Variants in ERN1 observed in about 807,000 individuals in gnomAD.
ERN1 encodes serine/threonine-protein kinase/endoribonuclease IRE1.
Under a neutral mutation model 113.1 loss-of-function variants are expected in ERN1, and 39 were observed. The ratio of observed to expected loss-of-function variants is 0.34; its 90% CI spans 0.27 to 0.45. The LOEUF (loss-of-function observed/expected upper bound fraction) is 0.45, where lower values mean the gene tolerates loss of function less well. Among genes scored for constraint, ERN1 ranks in the 20% least tolerant of loss-of-function variants. ERN1 has a pLI of 1.00. For synonymous variants in ERN1, 507 were observed against 515.9 expected (o/e 0.98, Z 0.23); for missense variants, 976 against 1,274.8 (o/e 0.77, Z 3.57).
At chr17:64,053,136 C>T (rs1912741033) in intron 16 of ERN1, 136 bp downstream of exon 16, 2 of 911,916 alleles carry the variant, frequency 2.2e-6, no homozygotes, top group East Asian at 2.6e-5. Flanking sequence ...AATTCTTACA[C>T]CACTCATCTT....
intron 10 of ERN1, among the ~76,000 whole-genome samples, chr17:64,061,554 T>C (rs964716813): frequency 3.9e-5 from 6 of 152,238 alleles, no homozygotes; most frequent in Non-Finnish European, 8.8e-5. Flanking sequence ...TGAGTTCCCA[T>C]CTTTAGGTCA....
intron 15 of ERN1, 56 bp from the exon 16 acceptor site, chr17:64,053,427 C>T (rs541222628): frequency 1.5e-5 from 19 of 1,248,794 alleles, no homozygotes; most frequent in East Asian, 1.1e-4. Flanking sequence ...CTTGGCCCCT[C>T]GGCTCACTTT....
At position 64,054,035 on chromosome 17, in the gene ERN1, G is replaced by C. The variant is rs35271848; in HGVS notation, c.1953+215C>G. 2,278 of 483,492 alleles carry C rather than the reference G, an allele frequency of 4.7e-3. 57 individuals are homozygous for C. The East Asian group carries it at 0.053, about 11-fold the overall frequency. 30.0% of individuals were successfully genotyped at this position (483,492 alleles called of 1,614,324 possible). A position where few individuals can be genotyped will look rare whatever the true frequency, so the allele number is the denominator to read the frequency against. On this transcript the variant is annotated intron_variant, in intron 15 of 21. Coordinates refer to ENST00000433197, the MANE Select transcript of ERN1 (RefSeq NM_001433.5). The surrounding 1 kb of genome is among the most constrained non-coding windows in gnomAD (Gnocchi z 4.9). ...GCTTACTGCAGCCTTGATCTCCCAGGCTCAAGCAATCTTCCCACCTCAGCC... is the reference window on the plus strand; with the variant it reads ...GCTTACTGCAGCCTTGATCTCCCAGCCTCAAGCAATCTTCCCACCTCAGCC...
At chr17:64,068,488 T>C (rs1038991607) in intron 6 of ERN1, among the ~76,000 whole-genome samples, 197 bp from the exon 7 acceptor site, 1 of 152,180 alleles carries the variant, frequency 6.6e-6, no homozygotes, top group Non-Finnish European at 1.5e-5. Context: ...GCTGACAGCA[T>C]GTGGAAGCAG....
intron 1 of ERN1, among the ~76,000 whole-genome samples, chr17:64,117,484 TAGAA>T (rs1346253998): frequency 6.6e-6 from 1 of 151,340 alleles, no homozygotes; most frequent in Admixed American, 6.6e-5. Context: ...AAAAAAGAAA[TAGAA>T]AGTAAAGAAA....
chr17:64,063,884 A>T lies in ERN1; in HGVS notation c.1087+102T>A. 3 of 1,112,196 alleles carry T rather than the reference A, an allele frequency of 2.7e-6. No individual in the cohort carries two copies. Among genetic ancestry groups the T allele is most frequent in the Non-Finnish European group, 3.9e-6 (3 of 767,086 alleles). The allele number at this position is 1,112,196 out of a possible 1,614,324, so 68.9% of individuals were successfully genotyped here. The stretch of plus-strand genomic sequence containing the variant: ...CCAGCCGGGAAGGGCTCTGAGCACA[A>T]GGCCTTCCGAGCTCAGTACGGTGTA... On this transcript the variant is annotated intron_variant, in intron 10 of 21. Transcript: ENST00000433197. This position sits in a 1 kb window ranked among gnomAD's most constrained non-coding sequence, Gnocchi z 5.1.
intron 1 of ERN1, among the ~76,000 whole-genome samples, chr17:64,124,199 C>T (rs894529692): frequency 6.6e-6 from 1 of 152,150 alleles, no homozygotes. Flanking sequence ...TCAGACAGTT[C>T]CTTGAAAGGT....
At position 64,117,187 on chromosome 17, in the gene ERN1, A is replaced by G. The variant is rs1347101957; in HGVS notation, c.54+12789T>C. 2.0e-5 allele frequency among the ~76,000 whole-genome samples: 3 copies of G among 152,282 alleles called. No individual in the cohort carries two copies. The East Asian group carries it at 5.8e-4, about 29-fold the overall frequency. ...GCCAGGCGCAGTGGCTCATGCCTGTAACCCCAGCACTTTGGGAGGCCAAAG... is the reference window on the plus strand; with the variant it reads ...GCCAGGCGCAGTGGCTCATGCCTGTGACCCCAGCACTTTGGGAGGCCAAAG... On this transcript the variant is annotated intron_variant, in intron 1 of 21. Transcript: ENST00000433197.
chr17:64,059,382 C>T (rs999714630), intron 11 of ERN1, among the ~76,000 whole-genome samples: 1 of 152,164 alleles, frequency 6.6e-6, no homozygotes, highest in Non-Finnish European at 1.5e-5. Flanking sequence ...CTCATGTAGC[C>T]CAGGTGCATC....
intron 1 of ERN1, among the ~76,000 whole-genome samples, chr17:64,106,008 T>C (rs548365115): frequency 5.0e-4 from 76 of 151,938 alleles, no homozygotes; most frequent in African/African-American, 1.7e-3. Context: ...TAAAAATACT[T>C]ACATAATTTG....
intron 1 of ERN1, among the ~76,000 whole-genome samples, chr17:64,110,296 T>C (rs1421427665): frequency 1.3e-5 from 2 of 152,236 alleles, no homozygotes; most frequent in South Asian, 2.1e-4. Context: ...CATTGTGGAA[T>C]GGCTACATCA....
Position 64,045,371 on chromosome 17 carries a change from G to T in ERN1, c.2641C>A (p.Pro881Thr). ...KMDWRENITVPLQTDLRKFRT... is the reference protein window; with the variant it reads ...KMDWRENITVTLQTDLRKFRT... ...GCAGCATGATCACCTGTCTGGAGGG[G>T]GACAGTGATGTTCTCCCGCCAGTCC... Residue 881 changes from proline (P) to threonine (T), a missense_variant, in exon 20 of 22, where the codon CCC (proline) becomes ACC (threonine). This residue lies in a region of ERN1 where 297 missense variants were observed against 457.8 expected (regional missense o/e 0.65). Transcript: ENST00000433197. 6.2e-7 allele frequency: 1 copy of T among 1,613,834 alleles called. No individual in the cohort carries two copies. The highest frequency in any genetic ancestry group is 1.1e-5 in the South Asian group (1 of 91,070).
At chr17:64,059,817 T>C (rs1012700107) in intron 11 of ERN1, among the ~76,000 whole-genome samples, 3 of 151,496 alleles carry the variant, frequency 2.0e-5, no homozygotes, top group African/African-American at 7.3e-5. Context: ...GTCTGCTTCA[T>C]AAAACTTCAG....
intron 1 of ERN1, among the ~76,000 whole-genome samples, chr17:64,109,017 GGGA>G (rs1182616734): frequency 6.6e-6 from 1 of 152,056 alleles, no homozygotes; most frequent in East Asian, 1.9e-4. Flanking sequence ...CCAATTACTT[GGGA>G]GGCTGAGGCA....
At chr17:64,065,996 C>T (rs185157027) in intron 8 of ERN1, among the ~76,000 whole-genome samples, 1 of 152,274 alleles carries the variant, frequency 6.6e-6, no homozygotes, top group East Asian at 1.9e-4. Context: ...TGCTGTTTTA[C>T]AATCTAAACA....
rs1015134735 is a variant in ERN1 at position 64,130,107 on chromosome 17, T to G, written c.-78A>C. ...GGGCGCCGCGACGACAGCGAGGCGGTGACCGAGCCTCAGCGGACGCAGAAC... is the reference window on the plus strand; with the variant it reads ...GGGCGCCGCGACGACAGCGAGGCGGGGACCGAGCCTCAGCGGACGCAGAAC... On this transcript the variant is annotated 5_prime_UTR_variant, in exon 1 of 22. Coordinates refer to ENST00000433197, the MANE Select transcript of ERN1 (RefSeq NM_001433.5). The surrounding 1 kb of genome is among the most constrained non-coding windows in gnomAD (Gnocchi z 4.0). 6.5e-6 allele frequency: 8 copies of G among 1,240,214 alleles called. No individual in the cohort carries two copies. The highest frequency in any genetic ancestry group is 8.2e-6 in the Non-Finnish European group (8 of 977,080). 76.8% of individuals were successfully genotyped at this position (1,240,214 alleles called of 1,614,324 possible). A position where few individuals can be genotyped will look rare whatever the true frequency, so the allele number is the denominator to read the frequency against.
chr17:64,078,361 G>A (rs965498281), intron 4 of ERN1, among the ~76,000 whole-genome samples: 6 of 151,908 alleles, frequency 3.9e-5, no homozygotes, highest in South Asian at 2.1e-4. Context: ...TTTTTTTAAC[G>A]TACCATAGGA....
chr17:64,109,371 T>C (rs979848657), intron 1 of ERN1, among the ~76,000 whole-genome samples: 1 of 152,198 alleles, frequency 6.6e-6, no homozygotes, highest in African/African-American at 2.4e-5. Context: ...TATGACATAA[T>C]TGCTACCTAC....
At chr17:64,095,307 T>C (rs1287314901) in intron 2 of ERN1, among the ~76,000 whole-genome samples, 2 of 152,068 alleles carry the variant, frequency 1.3e-5, no homozygotes, top group Non-Finnish European at 2.9e-5. Context: ...CGCATGCCTG[T>C]AATCCAAGCT....
Sources: gnomAD v4.1 joint callset for allele counts (sites outside exome capture counted in the v4.1 genomes callset) on GRCh38, gnomAD v4.1.1 for gene constraint, gnomAD v4.1.1 regional missense constraint, Gnocchi (gnomAD v3.1) non-coding constraint, MANE v1.5 for transcripts, NCBI Gene and HGNC (gene_info 2026-07-23, HGNC 2026-07-21) for gene names.